Variants in GTSF1 observed in about 807,000 individuals in gnomAD.
GTSF1 encodes gametocyte-specific factor 1.
In GTSF1, 11 loss-of-function variants were observed where a neutral mutation model predicts 28.9. That is an observed-to-expected ratio of 0.38 (90% CI 0.24 to 0.63). GTSF1 has a LOEUF of 0.63. GTSF1 is among the 30% of genes least tolerant of loss of function. The pLI, the probability that GTSF1 is intolerant of heterozygous loss-of-function variation, is 0.56. For missense variants in GTSF1, 146 were observed against 201.0 expected, an observed-to-expected ratio of 0.73 and a Z score of 1.66; for synonymous variants, 69 against 65.6, an observed-to-expected ratio of 1.05 and a Z score of -0.25.
chr12:54,468,646 A>G (rs1956553599), intron 2 of GTSF1, among the ~76,000 whole-genome samples: 1 of 152,238 alleles, frequency 6.6e-6, no homozygotes, highest in African/African-American at 2.4e-5. Flanking sequence ...ACCCATGGTG[A>G]GAAATGGAGA....
At chr12:54,468,423 T>A (rs892242719) in intron 2 of GTSF1, among the ~76,000 whole-genome samples, 1 of 152,202 alleles carries the variant, frequency 6.6e-6, no homozygotes, top group Non-Finnish European at 1.5e-5. Context: ...GCCCGGCCAA[T>A]GTATGAGTAT....
intron 2 of GTSF1, among the ~76,000 whole-genome samples, chr12:54,469,366 C>T (rs111785734): frequency 0.028 from 4,242 of 152,050 alleles, 200 homozygotes; most frequent in African/African-American, 0.096. Flanking sequence ...CCTGAACCAC[C>T]GCACCCAGCC....
intron 8 of GTSF1, among the ~76,000 whole-genome samples, chr12:54,458,190 A>C (rs1956365222): frequency 6.6e-6 from 1 of 152,174 alleles, no homozygotes; most frequent in African/African-American, 2.4e-5. Context: ...CCAAGACGAC[A>C]TTTGAAGGAT....
intron 8 of GTSF1, among the ~76,000 whole-genome samples, chr12:54,458,532 C>A (rs369135834): frequency 6.6e-6 from 1 of 152,136 alleles, no homozygotes; most frequent in African/African-American, 2.4e-5. Context: ...CCACCACGCC[C>A]GGCTAATTTT....
chr12:54,458,691 G>C (rs1305646039), intron 8 of GTSF1, among the ~76,000 whole-genome samples: 1 of 152,072 alleles, frequency 6.6e-6, no homozygotes, highest in Non-Finnish European at 1.5e-5. Context: ...ACTTTTAAGT[G>C]CTCATTAAAA....
chr12:54,456,328 T>C (rs967035500), intron 8 of GTSF1, among the ~76,000 whole-genome samples, 175 bp from the exon 9 acceptor site: 1 of 152,206 alleles, frequency 6.6e-6, no homozygotes, highest in Non-Finnish European at 1.5e-5. Context: ...AACTCTTTAC[T>C]ACCATTGAGC....
intron 6 of GTSF1, 115 bp from the exon 7 acceptor site, chr12:54,460,586 T>C: frequency 3.0e-6 from 2 of 664,884 alleles, no homozygotes; most frequent in Non-Finnish European, 5.3e-6. Flanking sequence ...CCTACATTCA[T>C]CTGAAATGTA....
chr12:54,456,120 G>A lies in GTSF1; in HGVS notation c.*54C>T, dbSNP rs1199303784. The A allele has an allele frequency of 3.9e-5, 6 of 152,564 alleles. No homozygotes were observed. Among genetic ancestry groups the A allele is most frequent in the African/African-American group, 1.4e-4 (6 of 41,416 alleles). 9.5% of individuals were successfully genotyped at this position (152,564 alleles called of 1,614,324 possible). ...GGAGGAAAATGAGAACCCACTGGTAGAAGAAGAAGCAACAGTCTTCTAGGG... is the reference window on the plus strand; with the variant it reads ...GGAGGAAAATGAGAACCCACTGGTAAAAGAAGAAGCAACAGTCTTCTAGGG... On this transcript the variant is annotated 3_prime_UTR_variant, in exon 9 of 9. Coordinates refer to ENST00000305879, the MANE Select transcript of GTSF1 (RefSeq NM_144594.3).
chr12:54,462,504 C>T (rs1016283150), intron 5 of GTSF1, 138 bp downstream of exon 5: 35 of 714,728 alleles, frequency 4.9e-5, no homozygotes, highest in Non-Finnish European at 8.1e-5. Flanking sequence ...CAAATGTGCT[C>T]GTTTTGGGGC....
At chr12:54,462,315 G>GAC in intron 5 of GTSF1, 143 bp from the exon 6 acceptor site, 1 of 620,790 alleles carries the variant, frequency 1.6e-6, no homozygotes. Flanking sequence ...CTGCCTAAGT[G>GAC]ACACAGTAGC....
chr12:54,463,994 C>A (rs1055725256), intron 3 of GTSF1, among the ~76,000 whole-genome samples: 13 of 151,782 alleles, frequency 8.6e-5, no homozygotes, highest in African/African-American at 2.9e-4. Context: ...GGCAAATATA[C>A]CAGCAATTAA....
intron 3 of GTSF1, among the ~76,000 whole-genome samples, chr12:54,464,197 A>G (rs1191184645): frequency 6.6e-6 from 1 of 152,140 alleles, no homozygotes; most frequent in Non-Finnish European, 1.5e-5. Flanking sequence ...AGAAGAAGGG[A>G]ATTATGATAG....
chr12:54,464,655 T>C (rs1394257264), intron 3 of GTSF1: 1 of 152,684 alleles, frequency 6.5e-6, no homozygotes, highest in Non-Finnish European at 1.5e-5. Flanking sequence ...TAATTTTTCT[T>C]GGGCTAACTT....
In GTSF1 at chr12:54,462,104, T is replaced by C. The variant is rs1178438293; in HGVS notation, c.392+5A>G. 6.2e-7 allele frequency: 1 copy of C among 1,608,610 alleles called. No individual in the cohort carries two copies. Among genetic ancestry groups the C allele is most frequent in the Non-Finnish European group, 8.5e-7 (1 of 1,175,236 alleles). On this transcript the variant is annotated splice_donor_5th_base_variant and intron_variant, in intron 6 of 8. Coordinates refer to ENST00000305879, the MANE Select transcript of GTSF1 (RefSeq NM_144594.3). Reference sequence around the variant, plus strand: ...ACAATGCTGGGATAAGACTATTTCATTTACCTGTTGTTGTCAGAGTAGTGA... The same window carrying C: ...ACAATGCTGGGATAAGACTATTTCACTTACCTGTTGTTGTCAGAGTAGTGA...
intron 7 of GTSF1, chr12:54,459,499 C>G: frequency 8.0e-7 from 1 of 1,253,552 alleles, no homozygotes; most frequent in Non-Finnish European, 1.0e-6. Flanking sequence ...GTAAAAATGA[C>G]AGTATCTTGG....
At chr12:54,462,029 T>A (rs1020786726) in intron 6 of GTSF1, 80 bp downstream of exon 6, 1 of 1,019,886 alleles carries the variant, frequency 9.8e-7, no homozygotes, top group African/African-American at 1.6e-5. Context: ...AAGTGGTCAA[T>A]TCATGCTCCG....
intron 8 of GTSF1, among the ~76,000 whole-genome samples, chr12:54,456,571 T>G (rs1956334584): frequency 6.6e-6 from 1 of 152,236 alleles, no homozygotes; most frequent in Non-Finnish European, 1.5e-5. Flanking sequence ...GGTATGATAC[T>G]ACCTGCTTCT....
chr12:54,463,135 C>T, intron 4 of GTSF1, 36 bp downstream of exon 4: 1 of 1,603,290 alleles, frequency 6.2e-7, no homozygotes, highest in Non-Finnish European at 8.5e-7. Context: ...AGGAGCTACC[C>T]TCCAGTACTG....
chr12:54,457,396 G>A (rs1176880975), intron 8 of GTSF1, among the ~76,000 whole-genome samples: 2 of 152,180 alleles, frequency 1.3e-5, no homozygotes, highest in East Asian at 1.9e-4. Context: ...GCATATCAGA[G>A]AGGAATTCAA....
Sources: gnomAD v4.1 joint callset for allele counts (sites outside exome capture counted in the v4.1 genomes callset) on GRCh38, gnomAD v4.1.1 for gene constraint, MANE v1.5 for transcripts, NCBI Gene and HGNC (gene_info 2026-07-23, HGNC 2026-07-21) for gene names.